Variants in MAP3K7 observed in about 807,000 individuals in gnomAD.
The protein encoded by MAP3K7 is TGF-beta activated kinase 1.
A neutral mutation model predicts 84.8 loss-of-function variants in MAP3K7; 21 were observed. The observed-to-expected ratio is 0.25, with a 90% CI of 0.18 to 0.36. MAP3K7 has a LOEUF of 0.36. Among genes scored for constraint, MAP3K7 ranks in the 10% least tolerant of loss-of-function variants. The probability of loss-of-function intolerance (pLI) is 1.00; values close to 1 mark genes in which losing one functional copy is unlikely to be tolerated. For missense variants in MAP3K7, 503 were observed against 747.7 expected, an observed-to-expected ratio of 0.67 and a Z score of 3.82; for synonymous variants, 241 against 247.7, an observed-to-expected ratio of 0.97 and a Z score of 0.25.
rs560303185 is a variant in MAP3K7, at chr6:90,516,370, A to G, written c.*131T>C. The G allele has an allele frequency of 2.7e-5, 23 of 849,858 alleles. No individual in the cohort carries two copies. In the African/African-American group the frequency reaches 3.3e-4, roughly 12 times the overall value. 52.6% of individuals were successfully genotyped at this position (849,858 alleles called of 1,614,324 possible). A position where few individuals can be genotyped will look rare whatever the true frequency, so the allele number is the denominator to read the frequency against. On this transcript the variant is annotated 3_prime_UTR_variant, in exon 17 of 17. Transcript: ENST00000369329. ...GGAAAATAAACAATGAAAAAAATGC[A>G]GCAAATATAGGCAGTTGGCATTCAG...
intron 14 of MAP3K7, among the ~76,000 whole-genome samples, chr6:90,521,014 C>T (rs9345023): frequency 0.028 from 4,216 of 152,030 alleles, 74 homozygotes; most frequent in Middle Eastern, 0.044. Flanking sequence ...TAGAATTAAG[C>T]TTAATACATC....
chr6:90,563,580 A>G (rs1484407836), intron 3 of MAP3K7, among the ~76,000 whole-genome samples: 2 of 152,246 alleles, frequency 1.3e-5, no homozygotes, highest in Non-Finnish European at 2.9e-5. Flanking sequence ...TGAAAAGACC[A>G]AATCTACATC....
intron 6 of MAP3K7, among the ~76,000 whole-genome samples, chr6:90,555,897 A>G (rs1453769197): frequency 1.3e-5 from 2 of 152,234 alleles, no homozygotes; most frequent in Non-Finnish European, 2.9e-5. Context: ...CTGAATGAAG[A>G]TAATTTAACA....
At position 90,515,269 on chromosome 6, in the gene MAP3K7, C is replaced by T. The variant is rs538553073; in HGVS notation, c.*1232G>A. ...TATCAAAATGTGACTTATTTTAACA[C>T]CAACTGAAAAAATATAGAGTTTGTA... On this transcript the variant is annotated 3_prime_UTR_variant, in exon 17 of 17. Transcript: ENST00000369329. 2.6e-5 allele frequency: 4 copies of T among 151,964 alleles called. No homozygotes were observed. The highest frequency in any genetic ancestry group is 9.6e-5 in the African/African-American group (4 of 41,512). The allele number at this position is 151,964 out of a possible 1,614,324, so 9.4% of individuals were successfully genotyped here. A position where few individuals can be genotyped will look rare whatever the true frequency, so the allele number is the denominator to read the frequency against.
At chr6:90,519,389 G>T (rs922120028) in intron 14 of MAP3K7, 70 bp from the exon 15 acceptor site, 40 of 987,446 alleles carry the variant, frequency 4.1e-5, no homozygotes, top group Non-Finnish European at 5.5e-5. Flanking sequence ...AAGAAAGCAT[G>T]AATGAAATGC....
At chr6:90,530,461 C>T (rs955148335) in intron 13 of MAP3K7, among the ~76,000 whole-genome samples, 1 of 152,124 alleles carries the variant, frequency 6.6e-6, no homozygotes, top group South Asian at 2.1e-4. Context: ...TTTCTTTTCA[C>T]CTTCTACTTT....
intron 3 of MAP3K7, among the ~76,000 whole-genome samples, chr6:90,567,436 T>C (rs1410627742): frequency 1.3e-5 from 2 of 152,194 alleles, no homozygotes; most frequent in Non-Finnish European, 2.9e-5. Flanking sequence ...AAGAAGATGT[T>C]TATGCAGCCA....
At chr6:90,528,587 C>T (rs791063) in intron 13 of MAP3K7, among the ~76,000 whole-genome samples, 36,380 of 151,864 alleles carry the variant, frequency 0.24, 4,651 homozygotes, top group Middle Eastern at 0.29. Context: ...ACTTTGTTTT[C>T]CTCTCATTTC....
intron 1 of MAP3K7, among the ~76,000 whole-genome samples, chr6:90,585,228 T>A (rs1312604619): frequency 6.6e-6 from 1 of 152,196 alleles, no homozygotes; most frequent in Non-Finnish European, 1.5e-5. Context: ...CACTGAACTT[T>A]CCTCTAACTC....
At chr6:90,568,419 A>G (rs893315200) in intron 3 of MAP3K7, 139 bp downstream of exon 3, 2 of 625,748 alleles carry the variant, frequency 3.2e-6, no homozygotes, top group Non-Finnish European at 5.5e-6. Context: ...TATTGGAGGT[A>G]CCTTTTTATC....
chr6:90,584,042 G>A (rs1406673314), intron 1 of MAP3K7, among the ~76,000 whole-genome samples: 1 of 152,018 alleles, frequency 6.6e-6, no homozygotes, highest in African/African-American at 2.4e-5. Context: ...GCCTGTAGTT[G>A]AATTATTATT....
chr6:90,551,107 G>A (rs1241510736), intron 8 of MAP3K7: 2 of 152,274 alleles, frequency 1.3e-5, no homozygotes, highest in Non-Finnish European at 2.9e-5. Flanking sequence ...ATATCCTAAA[G>A]TTTTAAGTAA....
chr6:90,561,291 C>A (rs1194549120), intron 4 of MAP3K7, among the ~76,000 whole-genome samples: 1 of 150,242 alleles, frequency 6.7e-6, no homozygotes, highest in Non-Finnish European at 1.5e-5. Context: ...TTAAAGAATT[C>A]TAAAATGAGG....
At chr6:90,557,621 C>T (rs561212512) in intron 5 of MAP3K7, among the ~76,000 whole-genome samples, 1 of 152,212 alleles carries the variant, frequency 6.6e-6, no homozygotes, top group South Asian at 2.1e-4. Flanking sequence ...ACTTTTTACC[C>T]AAGAAAATTA....
At chr6:90,529,867 T>C (rs1775447984) in intron 13 of MAP3K7, among the ~76,000 whole-genome samples, 1 of 152,158 alleles carries the variant, frequency 6.6e-6, no homozygotes, top group Non-Finnish European at 1.5e-5. Flanking sequence ...GCTGAATATA[T>C]AATAAACACA....
At chr6:90,586,602 AC>A (rs1341027240) in intron 1 of MAP3K7, among the ~76,000 whole-genome samples, 161 bp downstream of exon 1, 6 of 152,118 alleles carry the variant, frequency 3.9e-5, no homozygotes, top group Admixed American at 2.0e-4. Flanking sequence ...TCAGAGAGTA[AC>A]CCCCACTCCC....
At chr6:90,556,867 G>A (rs1380198386) in intron 5 of MAP3K7, among the ~76,000 whole-genome samples, 2 of 152,142 alleles carry the variant, frequency 1.3e-5, no homozygotes, top group East Asian at 3.8e-4. Flanking sequence ...ACATTCTGAT[G>A]TCTTCATCTC....
intron 12 of MAP3K7, among the ~76,000 whole-genome samples, chr6:90,537,443 C>G (rs756502971): frequency 6.6e-6 from 1 of 152,034 alleles, no homozygotes; most frequent in African/African-American, 2.4e-5. Flanking sequence ...TAATTTAGCA[C>G]CTTAACCCAC....
At chr6:90,532,242 A>G (rs1775532644) in intron 13 of MAP3K7, among the ~76,000 whole-genome samples, 1 of 152,202 alleles carries the variant, frequency 6.6e-6, no homozygotes, top group African/African-American at 2.4e-5. Context: ...ATGATACAGA[A>G]AGAACGCTGG....
Sources: allele counts gnomAD v4.1 joint callset (sites outside exome capture counted in the v4.1 genomes callset), GRCh38; gene constraint gnomAD v4.1.1; transcripts MANE v1.5; gene names NCBI Gene and HGNC (gene_info 2026-07-23, HGNC 2026-07-21).